The following ARHGAP20 variants were observed in gnomAD, a reference collection of about 807,000 sequenced individuals.
ARHGAP20 encodes rho GTPase-activating protein 20.
ARHGAP20 carries 34 observed loss-of-function variants against 73.7 expected under a neutral mutation model. The ratio of observed to expected loss-of-function variants is 0.46; its 90% CI spans 0.35 to 0.61. The LOEUF is 0.61. Ranked by LOEUF, ARHGAP20 falls within the 20% of genes least tolerant of loss-of-function variation. The pLI is 0.00. For missense variants in ARHGAP20, 1,314 were observed against 1,420.9 expected (o/e 0.92, Z 1.21); for synonymous variants, 523 against 518.2 (o/e 1.01, Z -0.13).
chr11:110,706,195 C>T (rs1950550251), intron 1 of ARHGAP20, among the ~76,000 whole-genome samples: 1 of 152,092 alleles, frequency 6.6e-6, no homozygotes, highest in African/African-American at 2.4e-5. Flanking sequence ...AACCTACTCT[C>T]CCCTGTATCT....
At chr11:110,647,471 G>T (rs1315987355) in intron 2 of ARHGAP20, among the ~76,000 whole-genome samples, 1 of 152,068 alleles carries the variant, frequency 6.6e-6, no homozygotes, top group Admixed American at 6.6e-5. Flanking sequence ...CTAGAAAGAG[G>T]ATTTGATCAT....
At chr11:110,694,392 C>G (rs183757676) in intron 1 of ARHGAP20, among the ~76,000 whole-genome samples, 1 of 151,858 alleles carries the variant, frequency 6.6e-6, no homozygotes, top group South Asian at 2.1e-4. Flanking sequence ...GGATCTTTGA[C>G]CCTCTGCTGT....
At chr11:110,709,868 T>C (rs1215816782) in intron 1 of ARHGAP20, among the ~76,000 whole-genome samples, 2 of 152,218 alleles carry the variant, frequency 1.3e-5, no homozygotes, top group Non-Finnish European at 2.9e-5. Flanking sequence ...AAGATTATTC[T>C]GGTGCAAAGT....
At chr11:110,614,466 AGCCT>A (rs151296059) in intron 6 of ARHGAP20, 91 bp downstream of exon 6, 113 of 1,142,034 alleles carry the variant, frequency 9.9e-5, no homozygotes, top group African/African-American at 9.0e-4. Context: ...ATACACAGTT[AGCCT>A]GCCTGCCTGC....
At chr11:110,677,266 G>A (rs1949950677) in intron 2 of ARHGAP20, among the ~76,000 whole-genome samples, 2 of 152,138 alleles carry the variant, frequency 1.3e-5, no homozygotes, top group Admixed American at 1.3e-4. Context: ...AATTAAAAAT[G>A]CCTTAAGTTT....
rs188252733 is a variant in ARHGAP20, at chr11:110,669,510, T to C, written c.188+21037A>G. ...CAACACAAAATGAGGAGATGTGAAC[T>C]GGCTCTTTTTTTAAAGATTATCTAG... On this transcript the variant is annotated intron_variant, in intron 2 of 14. Coordinates refer to ENST00000683387, the MANE Select transcript of ARHGAP20 (RefSeq NM_001384657.1). Among the ~76,000 whole-genome samples, 561 of 151,270 alleles carry C rather than the reference T, an allele frequency of 3.7e-3. 3 individuals carry two copies. The highest frequency in any genetic ancestry group is 0.012 in the African/African-American group (516 of 41,348).
At chr11:110,646,221 A>C (rs1361832918) in intron 2 of ARHGAP20, among the ~76,000 whole-genome samples, 1 of 152,208 alleles carries the variant, frequency 6.6e-6, no homozygotes, top group Non-Finnish European at 1.5e-5. Context: ...TACTCTAGGC[A>C]GTGACTTATC....
chr11:110,590,813 TG>T lies in ARHGAP20; in HGVS notation c.1144-5del, dbSNP rs1424600323. The T allele has an allele frequency of 6.2e-7, 1 of 1,610,280 alleles. No homozygotes were observed. ...GATTAAGAAAGAAAAGCATATCCTA[TG>T]GGGAAGCAAAGGAAAATAAACAAAA... On this transcript the variant is annotated splice_polypyrimidine_tract_variant and splice_region_variant and intron_variant, in intron 10 of 14. Coordinates refer to ENST00000683387, the MANE Select transcript of ARHGAP20 (RefSeq NM_001384657.1).
chr11:110,666,711 A>G (rs1168579151), intron 2 of ARHGAP20, among the ~76,000 whole-genome samples: 1 of 152,094 alleles, frequency 6.6e-6, no homozygotes, highest in Non-Finnish European at 1.5e-5. Context: ...TAATAATCTC[A>G]CATATTTCAA....
intron 5 of ARHGAP20, 135 bp downstream of exon 5, chr11:110,615,418 G>A (rs773720641): frequency 1.5e-5 from 10 of 679,332 alleles, no homozygotes; most frequent in African/African-American, 7.4e-5. Flanking sequence ...CGATATAAAC[G>A]GCAGCTTATT....
intron 2 of ARHGAP20, among the ~76,000 whole-genome samples, chr11:110,656,932 G>A (rs1949480284): frequency 1.3e-5 from 2 of 152,100 alleles, no homozygotes; most frequent in African/African-American, 4.8e-5. Context: ...TACCCATTTT[G>A]TTGACAGCTA....
At position 110,694,346 on chromosome 11, in the gene ARHGAP20, G is replaced by A. The variant is rs367879963; in HGVS notation, c.106-3717C>T. On this transcript the variant is annotated intron_variant, in intron 1 of 14. Coordinates refer to ENST00000683387, the MANE Select transcript of ARHGAP20 (RefSeq NM_001384657.1). Reference sequence around the variant, plus strand: ...ACTAGAGAGAAATTATTAGGTTGGTGTACAAGTAATTGCTGTTTTTGCCAT... The same window carrying A: ...ACTAGAGAGAAATTATTAGGTTGGTATACAAGTAATTGCTGTTTTTGCCAT... Among the ~76,000 whole-genome samples, 163 of 151,816 alleles carry A rather than the reference G, an allele frequency of 1.1e-3. No homozygotes were observed. The South Asian group carries it at 0.014, about 13-fold the overall frequency.
chr11:110,707,971 CA>C (rs1950579747), intron 1 of ARHGAP20, among the ~76,000 whole-genome samples: 1 of 147,562 alleles, frequency 6.8e-6, no homozygotes, highest in South Asian at 2.1e-4. Context: ...AAGAAGCTTA[CA>C]GAAAAAAAAA....
chr11:110,683,872 T>C (rs1950082086), intron 2 of ARHGAP20, among the ~76,000 whole-genome samples: 1 of 152,168 alleles, frequency 6.6e-6, no homozygotes, highest in Non-Finnish European at 1.5e-5. Flanking sequence ...TGTGATAATA[T>C]TAAGAGGTGA....
At chr11:110,607,019 A>T (rs1231447306) in intron 8 of ARHGAP20, among the ~76,000 whole-genome samples, 1 of 152,178 alleles carries the variant, frequency 6.6e-6, no homozygotes, top group Non-Finnish European at 1.5e-5. Flanking sequence ...TCAGTTTGCG[A>T]GTTCCATAAT....
At chr11:110,639,488 C>CA (rs1310917121) in intron 2 of ARHGAP20, among the ~76,000 whole-genome samples, 1 of 151,644 alleles carries the variant, frequency 6.6e-6, no homozygotes, top group Non-Finnish European at 1.5e-5. Context: ...AGTACACTGA[C>CA]AGTGTTGTAA....
At chr11:110,648,734 A>C (rs2135006803) in intron 2 of ARHGAP20, among the ~76,000 whole-genome samples, 2 of 152,070 alleles carry the variant, frequency 1.3e-5, no homozygotes, top group South Asian at 4.1e-4. Flanking sequence ...CCACCTGCCT[A>C]GGCCTCCCAA....
Position 110,590,817 on chromosome 11 carries a change from G to C in ARHGAP20, c.1144-8C>G. ...AAGAAAGAAAAGCATATCCTATGGGGAAGCAAAGGAAAATAAACAAAATGA... is the reference window on the plus strand; with the variant it reads ...AAGAAAGAAAAGCATATCCTATGGGCAAGCAAAGGAAAATAAACAAAATGA... On this transcript the variant is annotated splice_region_variant and splice_polypyrimidine_tract_variant and intron_variant, in intron 10 of 14. Coordinates refer to ENST00000683387, the MANE Select transcript of ARHGAP20 (RefSeq NM_001384657.1). The C allele has an allele frequency of 6.2e-7, 1 of 1,608,722 alleles. No individual in the cohort carries two copies. Among genetic ancestry groups the C allele is most frequent in the Non-Finnish European group, 8.5e-7 (1 of 1,178,142 alleles).
At chr11:110,711,460 C>T (rs1411586226) in intron 1 of ARHGAP20, among the ~76,000 whole-genome samples, 1 of 150,542 alleles carries the variant, frequency 6.6e-6, no homozygotes, top group East Asian at 2.0e-4. Flanking sequence ...CCTACATGTC[C>T]CCGTAGTGTC....
Sources: gnomAD v4.1 joint callset for allele counts (sites outside exome capture counted in the v4.1 genomes callset) on GRCh38, gnomAD v4.1.1 for gene constraint, MANE v1.5 for transcripts, NCBI Gene and HGNC (gene_info 2026-07-23, HGNC 2026-07-21) for gene names.